TBC1D32: variants seen among roughly 807,000 people sequenced by gnomAD.
TBC1D32 encodes the protein protein broad-minded.
TBC1D32 carries 151 observed loss-of-function variants against 170.3 expected under a neutral mutation model. That is an observed-to-expected ratio of 0.89 (90% CI 0.78 to 1.01). The LOEUF is 1.01. TBC1D32 is among the 50% of genes least tolerant of loss of function. The probability of loss-of-function intolerance (pLI) is 0.00; values close to 1 mark genes in which losing one functional copy is unlikely to be tolerated. For synonymous variants in TBC1D32, 498 were observed against 488.0 expected, an observed-to-expected ratio of 1.02 and a Z score of -0.27; for missense variants, 1,464 against 1,457.1, an observed-to-expected ratio of 1.00 and a Z score of -0.08.
intron 22 of TBC1D32, among the ~76,000 whole-genome samples, chr6:121,180,197 T>C (rs536374789): frequency 6.6e-6 from 1 of 152,106 alleles, no homozygotes; most frequent in African/African-American, 2.4e-5. Flanking sequence ...ACAATGATAA[T>C]TAAAATCTCA....
chr6:121,189,884 T>C (rs1441976989), intron 22 of TBC1D32, among the ~76,000 whole-genome samples: 5 of 151,990 alleles, frequency 3.3e-5, no homozygotes, highest in Admixed American at 1.3e-4. Context: ...ACTAAGAATT[T>C]TGCACTTGAT....
intron 17 of TBC1D32, among the ~76,000 whole-genome samples, chr6:121,253,684 A>T (rs186904853): frequency 1.3e-3 from 200 of 152,186 alleles, no homozygotes; most frequent in African/African-American, 4.6e-3. Flanking sequence ...ACTCCACTGC[A>T]CTCCAGCCTG....
At chr6:121,321,361 A>C (rs981570484) in intron 2 of TBC1D32, among the ~76,000 whole-genome samples, 2 of 152,172 alleles carry the variant, frequency 1.3e-5, no homozygotes, top group African/African-American at 4.8e-5. Context: ...GAGCAGTATG[A>C]GGGAGAAAAT....
At chr6:121,300,305 G>T (rs951356813) in intron 9 of TBC1D32, among the ~76,000 whole-genome samples, 3 of 151,996 alleles carry the variant, frequency 2.0e-5, no homozygotes, top group Admixed American at 6.6e-5. Flanking sequence ...GAATTAGCCA[G>T]GAGTGGTGGC....
intron 1 of TBC1D32, among the ~76,000 whole-genome samples, chr6:121,333,867 G>A (rs1239338104): frequency 1.3e-5 from 2 of 152,164 alleles, no homozygotes; most frequent in Non-Finnish European, 2.9e-5. Flanking sequence ...GGGAGTTCGA[G>A]ACCAACCTAG....
At chr6:121,323,113 G>A (rs1462665505) in intron 1 of TBC1D32, among the ~76,000 whole-genome samples, 1 of 152,160 alleles carries the variant, frequency 6.6e-6, no homozygotes, top group Non-Finnish European at 1.5e-5. Context: ...AACATAGGAT[G>A]CTCTTTAATG....
At chr6:121,102,047 C>T (rs183685841) in intron 30 of TBC1D32, among the ~76,000 whole-genome samples, 4 of 151,994 alleles carry the variant, frequency 2.6e-5, no homozygotes, top group African/African-American at 9.7e-5. Context: ...TGAAGGACCT[C>T]GTCAAGGAGA....
intron 31 of TBC1D32, among the ~76,000 whole-genome samples, chr6:121,086,787 A>G (rs982481131): frequency 2.0e-5 from 3 of 152,206 alleles, no homozygotes; most frequent in African/African-American, 7.2e-5. Flanking sequence ...TTAGAGAAGA[A>G]TACAACACAG....
At chr6:121,292,720 C>G (rs1482947088) in intron 11 of TBC1D32, among the ~76,000 whole-genome samples, 1 of 152,032 alleles carries the variant, frequency 6.6e-6, no homozygotes, top group Admixed American at 6.6e-5. Context: ...TCTTTGCAGG[C>G]TAAGAAAAGG....
At chr6:121,103,023 A>C (rs1778296386) in intron 30 of TBC1D32, among the ~76,000 whole-genome samples, 3 of 152,158 alleles carry the variant, frequency 2.0e-5, no homozygotes. Context: ...GCAAATCAAA[A>C]CCACAATGAG....
intron 26 of TBC1D32, among the ~76,000 whole-genome samples, chr6:121,123,845 A>AT (rs1054942056): frequency 2.0e-5 from 3 of 149,790 alleles, no homozygotes; most frequent in Admixed American, 6.6e-5. Flanking sequence ...TTCTGCTAGT[A>AT]TTTTTTTTGG....
chr6:121,215,928 T>C (rs1172277109), intron 21 of TBC1D32, among the ~76,000 whole-genome samples: 2 of 152,232 alleles, frequency 1.3e-5, no homozygotes, highest in African/African-American at 4.8e-5. Flanking sequence ...TCAACCATTG[T>C]GGAAAGCATT....
chr6:121,202,084 T>C (rs1361755430), intron 22 of TBC1D32, among the ~76,000 whole-genome samples: 2 of 150,886 alleles, frequency 1.3e-5, no homozygotes, highest in African/African-American at 2.5e-5. Context: ...GGTGTATATA[T>C]AGGTTTGGTA....
chr6:121,116,097 C>G (rs1015724583), intron 26 of TBC1D32, among the ~76,000 whole-genome samples: 1 of 151,708 alleles, frequency 6.6e-6, no homozygotes, highest in African/African-American at 2.4e-5. Context: ...CATGCACACA[C>G]AATTAAGAGA....
intron 10 of TBC1D32, among the ~76,000 whole-genome samples, chr6:121,298,502 A>G (rs17083387): frequency 0.12 from 17,645 of 152,086 alleles, 1,470 homozygotes; most frequent in Admixed American, 0.23. Context: ...TATTCTAGCA[A>G]GATCAGTCTA....
intron 22 of TBC1D32, among the ~76,000 whole-genome samples, chr6:121,175,661 C>T (rs910839042): frequency 1.3e-5 from 2 of 152,036 alleles, no homozygotes; most frequent in East Asian, 3.9e-4. Flanking sequence ...TTCCTTGTCC[C>T]CCAAAACATT....
At chr6:121,272,328 G>A (rs1237361295) in intron 15 of TBC1D32, among the ~76,000 whole-genome samples, 2 of 152,026 alleles carry the variant, frequency 1.3e-5, no homozygotes, top group Admixed American at 6.5e-5. Flanking sequence ...GCAACCTACA[G>A]AAAGGGAGAA....
At chr6:121,114,924 A>G (rs13199297) in intron 27 of TBC1D32, among the ~76,000 whole-genome samples, 55,794 of 152,076 alleles carry the variant, frequency 0.37, 13,150 homozygotes, top group Non-Finnish European at 0.53. Context: ...AAAAAACCTG[A>G]TAGTCATGAG....
chr6:121,180,994 AACATC>A (rs988731558), intron 22 of TBC1D32, among the ~76,000 whole-genome samples: 2 of 152,146 alleles, frequency 1.3e-5, no homozygotes, highest in African/African-American at 4.8e-5. Flanking sequence ...AAAAATGCTT[AACATC>A]ACTAATCACC....
Sources: allele counts gnomAD v4.1 joint callset (sites outside exome capture counted in the v4.1 genomes callset), GRCh38; gene constraint gnomAD v4.1.1; transcripts MANE v1.5; gene names NCBI Gene and HGNC (gene_info 2026-07-23, HGNC 2026-07-21).